The following TMPRSS6 variants were observed in gnomAD, a reference collection of about 807,000 sequenced individuals.
TMPRSS6 encodes transmembrane serine protease 6.
In TMPRSS6, 67 loss-of-function variants were observed where a neutral mutation model predicts 101.5. The observed-to-expected ratio is 0.66, with a 90% CI of 0.54 to 0.81. TMPRSS6 has a LOEUF of 0.81. Among genes scored for constraint, TMPRSS6 ranks in the 30% least tolerant of loss-of-function variants. The probability of loss-of-function intolerance (pLI) is 0.00; values close to 1 mark genes in which losing one functional copy is unlikely to be tolerated. For synonymous variants in TMPRSS6, 453 were observed against 464.9 expected (o/e 0.97, Z 0.33); for missense variants, 1,034 against 1,088.7 (o/e 0.95, Z 0.71).
intron 7 of TMPRSS6, 79 bp from the exon 8 acceptor site, chr22:37,086,498 G>A: frequency 2.0e-6 from 3 of 1,484,116 alleles, no homozygotes; most frequent in Admixed American, 3.9e-5. Flanking sequence ...CGGCTGCTGG[G>A]GGAGGGTGGA....
chr22:37,092,509 T>C (rs898300612), intron 6 of TMPRSS6, among the ~76,000 whole-genome samples: 6 of 149,230 alleles, frequency 4.0e-5, no homozygotes, highest in African/African-American at 1.5e-4. Context: ...CCAGCTAATT[T>C]TTTTTTTAAT....
chr22:37,079,268 A>G (rs1928070051), intron 10 of TMPRSS6, among the ~76,000 whole-genome samples: 2 of 152,266 alleles, frequency 1.3e-5, no homozygotes, highest in South Asian at 2.1e-4. Flanking sequence ...CTTGGCTACA[A>G]AGTACTGAGT....
intron 1 of TMPRSS6, among the ~76,000 whole-genome samples, chr22:37,106,789 C>T (rs942838479): frequency 6.6e-6 from 1 of 152,246 alleles, no homozygotes; most frequent in South Asian, 2.1e-4. Context: ...TAACTTCCAT[C>T]ATGCACATGG....
At chr22:37,075,065 T>C in intron 11 of TMPRSS6, 70 bp downstream of exon 11, 1 of 1,611,428 alleles carries the variant, frequency 6.2e-7, no homozygotes, top group South Asian at 1.1e-5. Context: ...CACAGCCCCC[T>C]TGGTGGTTCC....
At chr22:37,105,005 G>A (rs1930623721) in intron 1 of TMPRSS6, among the ~76,000 whole-genome samples, 1 of 151,994 alleles carries the variant, frequency 6.6e-6, no homozygotes, top group Non-Finnish European at 1.5e-5. Context: ...CACCCCAGAT[G>A]CAGGCGGGGC....
intron 10 of TMPRSS6, among the ~76,000 whole-genome samples, chr22:37,083,310 A>G (rs1305856242): frequency 2.0e-5 from 3 of 151,644 alleles, no homozygotes; most frequent in Non-Finnish European, 4.4e-5. Context: ...TCTCTCCCCA[A>G]ACCTCTGCTC....
chr22:37,084,506 G>A, intron 9 of TMPRSS6, 102 bp from the exon 10 acceptor site: 1 of 950,914 alleles, frequency 1.1e-6, no homozygotes, highest in Non-Finnish European at 1.7e-6. Flanking sequence ...AATCCCAGGT[G>A]GGGCTAAAGT....
At chr22:37,074,041 G>A (rs932942388) in intron 12 of TMPRSS6, among the ~76,000 whole-genome samples, 9 of 152,236 alleles carry the variant, frequency 5.9e-5, no homozygotes, top group South Asian at 2.1e-4. Context: ...GAGCCACTGC[G>A]CCCGGCCTCT....
intron 7 of TMPRSS6, among the ~76,000 whole-genome samples, chr22:37,088,446 C>T (rs1190522815): frequency 6.6e-6 from 1 of 152,190 alleles, no homozygotes; most frequent in Non-Finnish European, 1.5e-5. Flanking sequence ...GCCTGACGCC[C>T]AGCACAAAGT....
Position 37,069,683 on chromosome 22 carries a change from C to G in TMPRSS6, c.1842-339G>C, listed in dbSNP as rs1926705199. ...GACCGTGTATCTAAAAAATGTAGCA[C>G]AGTGCCAGGCCCCCGACACAGATTT... On this transcript the variant is annotated intron_variant, in intron 15 of 17. Coordinates refer to ENST00000676104, the MANE Select transcript of TMPRSS6 (RefSeq NM_001374504.1). The surrounding 1 kb of genome is among the most constrained non-coding windows in gnomAD (Gnocchi z 4.8). 6.6e-6 allele frequency among the ~76,000 whole-genome samples: 1 copy of G among 152,218 alleles called. No individual in the cohort carries two copies. Among genetic ancestry groups the G allele is most frequent in the Non-Finnish European group, 1.5e-5 (1 of 68,038 alleles).
At chr22:37,071,120 A>G in intron 13 of TMPRSS6, 88 bp from the exon 14 acceptor site, 1 of 1,151,208 alleles carries the variant, frequency 8.7e-7, no homozygotes, top group Non-Finnish European at 1.3e-6. Flanking sequence ...GGAACGATGG[A>G]GCCAGAAGAG....
At chr22:37,079,497 G>A (rs1284449303) in intron 10 of TMPRSS6, among the ~76,000 whole-genome samples, 1 of 152,136 alleles carries the variant, frequency 6.6e-6, no homozygotes, top group Non-Finnish European at 1.5e-5. Context: ...GTGGATGAAT[G>A]CACACCCCCG....
intron 13 of TMPRSS6, among the ~76,000 whole-genome samples, chr22:37,072,199 GA>G (rs1375793223): frequency 1.4e-5 from 2 of 138,372 alleles, no homozygotes; most frequent in Admixed American, 1.4e-4. Flanking sequence ...GATGATGGAT[GA>G]ATGGATGGAT....
At position 37,103,706 on chromosome 22, in the gene TMPRSS6, G is replaced by T; in HGVS notation, c.-1-288C>A. On this transcript the variant is annotated intron_variant, in intron 1 of 17. Transcript: ENST00000676104. This position sits in a 1 kb window ranked among gnomAD's most constrained non-coding sequence, Gnocchi z 4.4. The stretch of plus-strand genomic sequence containing the variant: ...CCCTATGGTCAGAGGACAGACGGAG[G>T]TCTCAGTACCTAAACACCCACCTCC... The T allele has an allele frequency of 1.0e-6, 1 of 960,508 alleles. No homozygotes were observed. Among genetic ancestry groups the T allele is most frequent in the South Asian group, 1.4e-5 (1 of 73,284 alleles). 59.5% of individuals were successfully genotyped at this position (960,508 alleles called of 1,614,324 possible). A position where few individuals can be genotyped will look rare whatever the true frequency, so the allele number is the denominator to read the frequency against.
chr22:37,071,202 C>A (rs1409589821), intron 13 of TMPRSS6, among the ~76,000 whole-genome samples, 170 bp from the exon 14 acceptor site: 2 of 151,844 alleles, frequency 1.3e-5, no homozygotes, highest in African/African-American at 4.8e-5. Flanking sequence ...TGTCCCCCCG[C>A]CCCCCACAGC....
At chr22:37,074,991 G>A (rs1385823416) in intron 11 of TMPRSS6, 144 bp downstream of exon 11, 14 of 1,420,688 alleles carry the variant, frequency 9.9e-6, no homozygotes, top group Non-Finnish European at 1.4e-5. Context: ...ATAAATTTGT[G>A]CAAGCACATA....
chr22:37,074,815 G>A, intron 11 of TMPRSS6, 107 bp from the exon 12 acceptor site: 1 of 1,184,728 alleles, frequency 8.4e-7, no homozygotes, highest in Non-Finnish European at 1.2e-6. Flanking sequence ...ACACGCGCAT[G>A]GACAGGCACC....
chr22:37,070,771 GA>G, intron 14 of TMPRSS6, 119 bp from the exon 15 acceptor site: 1 of 1,331,782 alleles, frequency 7.5e-7, no homozygotes. Flanking sequence ...GATGGAGGGG[GA>G]GAGACCATCA....
chr22:37,106,249 C>T (rs924508936), intron 1 of TMPRSS6, among the ~76,000 whole-genome samples: 5 of 152,038 alleles, frequency 3.3e-5, no homozygotes, highest in South Asian at 2.1e-4. Context: ...TTCAGAGTGA[C>T]GCCCTGATCA....
Sources: gnomAD v4.1 joint callset for allele counts (sites outside exome capture counted in the v4.1 genomes callset) on GRCh38, gnomAD v4.1.1 for gene constraint, Gnocchi (gnomAD v3.1) non-coding constraint, MANE v1.5 for transcripts, NCBI Gene and HGNC (gene_info 2026-07-23, HGNC 2026-07-21) for gene names.